IGDCC4: variants seen among roughly 807,000 people sequenced by gnomAD.
IGDCC4 encodes immunoglobulin superfamily DCC subclass member 4.
Under a neutral mutation model 116.6 loss-of-function variants are expected in IGDCC4, and 72 were observed. That is an observed-to-expected ratio of 0.62 (90% CI 0.51 to 0.75). The LOEUF is 0.75. Among genes scored for constraint, IGDCC4 ranks in the 30% least tolerant of loss-of-function variants. The pLI is 0.00. For missense variants in IGDCC4, 1,501 were observed against 1,662.4 expected, an observed-to-expected ratio of 0.90 and a Z score of 1.69; for synonymous variants, 709 against 719.9, an observed-to-expected ratio of 0.98 and a Z score of 0.24.
At chr15:65,386,183 C>G in intron 17 of IGDCC4, 124 bp from the exon 18 acceptor site, 1 of 657,962 alleles carries the variant, frequency 1.5e-6, no homozygotes, top group South Asian at 2.0e-5. Context: ...CTTTCCTGGT[C>G]TGTGCAATGA....
Position 65,384,509 on chromosome 15 carries a change from C to T in IGDCC4, c.3343-90G>A. The T allele has an allele frequency of 7.8e-7, 1 of 1,287,298 alleles. No homozygotes were observed. The highest frequency in any genetic ancestry group is 1.0e-6 in the Non-Finnish European group (1 of 954,828). The allele number at this position is 1,287,298 out of a possible 1,614,324, so 79.7% of individuals were successfully genotyped here. On this transcript the variant is annotated intron_variant, in intron 19 of 19. Transcript: ENST00000352385. This position sits in a 1 kb window ranked among gnomAD's most constrained non-coding sequence, Gnocchi z 4.9. ...GCGTACGTGGGGCAGAAAGTCTGAC[C>T]CTCCATCAGAGTAAGTATCACATGG...
intron 3 of IGDCC4, among the ~76,000 whole-genome samples, chr15:65,403,654 C>T (rs1175634420): frequency 6.6e-6 from 1 of 152,096 alleles, no homozygotes; most frequent in Admixed American, 6.5e-5. Context: ...TGCCAAATGT[C>T]ATATTTGTCC....
intron 2 of IGDCC4, 115 bp from the exon 3 acceptor site, chr15:65,410,434 A>G: frequency 7.7e-7 from 1 of 1,291,202 alleles, no homozygotes; most frequent in South Asian, 1.3e-5. Flanking sequence ...AGTCACAGAA[A>G]CACACAGCAG....
rs754941677 is a variant in IGDCC4, at chr15:65,382,406, TAAA to T, written c.*1600_*1602del. Reference sequence around the variant, plus strand: ...CTGTGCTGAGAGACATTCCACCATTTAAAAAAAAAAAAAAAAAAAAGGAAAAAT... The same window carrying T: ...CTGTGCTGAGAGACATTCCACCATTTAAAAAAAAAAAAAAAAAGGAAAAAT... On this transcript the variant is annotated 3_prime_UTR_variant, in exon 20 of 20. Transcript: ENST00000352385. 26 of 124,876 alleles carry T rather than the reference TAAA, an allele frequency of 2.1e-4. No homozygotes were observed. The highest frequency in any genetic ancestry group is 1.5e-4 in the Non-Finnish European group (9 of 59,372). 7.7% of individuals were successfully genotyped at this position (124,876 alleles called of 1,614,324 possible).
chr15:65,387,193 A>G (rs1198225751), intron 16 of IGDCC4, among the ~76,000 whole-genome samples: 1 of 151,454 alleles, frequency 6.6e-6, no homozygotes, highest in Admixed American at 6.6e-5. Context: ...CACCCAGATA[A>G]TTTTTAAATT....
intron 5 of IGDCC4, among the ~76,000 whole-genome samples, chr15:65,399,275 T>C (rs2062960238): frequency 6.6e-6 from 1 of 151,916 alleles, no homozygotes; most frequent in Non-Finnish European, 1.5e-5. Context: ...GTTTGAGACC[T>C]GCCTGCGCAA....
At chr15:65,412,875 T>C (rs1448155974) in intron 1 of IGDCC4, among the ~76,000 whole-genome samples, 1 of 151,980 alleles carries the variant, frequency 6.6e-6, no homozygotes, top group Non-Finnish European at 1.5e-5. Flanking sequence ...CTAGCCTGGG[T>C]AACAGAGTGA....
Position 65,383,788 on chromosome 15 carries a change from G to A in IGDCC4, c.*221C>T. On this transcript the variant is annotated 3_prime_UTR_variant, in exon 20 of 20. Coordinates refer to ENST00000352385, the MANE Select transcript of IGDCC4 (RefSeq NM_020962.3). ...TTCACACATGTGCACATCACATGTA[G>A]CTATGTCTCGTATGTCTTTCACATG... 4.1e-6 allele frequency: 2 copies of A among 486,638 alleles called. No homozygotes were observed. The allele number at this position is 486,638 out of a possible 1,614,324, so 30.1% of individuals were successfully genotyped here. A position where few individuals can be genotyped will look rare whatever the true frequency, so the allele number is the denominator to read the frequency against.
intron 1 of IGDCC4, among the ~76,000 whole-genome samples, chr15:65,421,792 C>T (rs1361208764): frequency 6.6e-6 from 1 of 152,066 alleles, no homozygotes; most frequent in East Asian, 1.9e-4. Context: ...CCTCCCAGCC[C>T]TGCCACCTAC....
chr15:65,400,998 C>A (rs777801272), intron 4 of IGDCC4, 52 bp from the exon 5 acceptor site: 19 of 1,610,480 alleles, frequency 1.2e-5, no homozygotes, highest in Non-Finnish European at 1.4e-5. Flanking sequence ...ATTTGCCATG[C>A]GATACCTCAC....
At chr15:65,396,415 C>T in intron 6 of IGDCC4, 1 of 661,576 alleles carries the variant, frequency 1.5e-6, no homozygotes, top group African/African-American at 1.8e-5. Context: ...TCCTCAGCCT[C>T]CCCTAAATAT....
At chr15:65,415,923 G>T (rs2063138282) in intron 1 of IGDCC4, among the ~76,000 whole-genome samples, 1 of 152,060 alleles carries the variant, frequency 6.6e-6, no homozygotes, top group South Asian at 2.1e-4. Flanking sequence ...AGACAAGGGG[G>T]TGTGGTGGGA....
In IGDCC4 at chr15:65,396,768, C is replaced by T. The variant is rs562891453; in HGVS notation, c.997+66G>A. ...TGCCCCCAGCACACCCACCCGTCCACCTCCCCCTGCTCTATTCACCCCAGC... is the reference window on the plus strand; with the variant it reads ...TGCCCCCAGCACACCCACCCGTCCATCTCCCCCTGCTCTATTCACCCCAGC... On this transcript the variant is annotated intron_variant, in intron 6 of 19. Transcript: ENST00000352385. The T allele has an allele frequency of 1.8e-5, 28 of 1,525,686 alleles. No homozygotes were observed. In the East Asian group the frequency reaches 6.9e-4, roughly 38 times the overall value. The allele number at this position is 1,525,686 out of a possible 1,614,324, so 94.5% of individuals were successfully genotyped here.
intron 18 of IGDCC4, 97 bp from the exon 19 acceptor site, chr15:65,385,212 C>A (rs2091443287): frequency 7.8e-7 from 1 of 1,288,144 alleles, no homozygotes; most frequent in Non-Finnish European, 1.1e-6. Context: ...CGCGGGGGAG[C>A]AGGGTCCAGA....
chr15:65,399,447 CAAAAAAAAAA>C (rs112040935), intron 5 of IGDCC4, among the ~76,000 whole-genome samples: 45 of 71,184 alleles, frequency 6.3e-4, no homozygotes, highest in African/African-American at 1.7e-3. Context: ...GGGTGACAGG[CAAAAAAAAAA>C]AAAAAAAAAA....
intron 10 of IGDCC4, among the ~76,000 whole-genome samples, chr15:65,392,957 G>T (rs117633068): frequency 6.6e-6 from 1 of 152,116 alleles, no homozygotes; most frequent in South Asian, 2.1e-4. Context: ...ACCTAGTGTC[G>T]CATAGAGAGC....
rs2091402480 is a variant in IGDCC4, at chr15:65,381,655, C to T, written c.*2354G>A. 1 of 152,136 alleles carries T rather than the reference C, an allele frequency of 6.6e-6. No individual in the cohort carries two copies. Among genetic ancestry groups the T allele is most frequent in the South Asian group, 2.1e-4 (1 of 4,826 alleles). The allele number at this position is 152,136 out of a possible 1,614,324, so 9.4% of individuals were successfully genotyped here. ...CAAATAAATGAGCAAGTACTGATTA[C>T]ACTTGTCATGCATCAAGAAAAGGAA... On this transcript the variant is annotated 3_prime_UTR_variant, in exon 20 of 20. Coordinates refer to ENST00000352385, the MANE Select transcript of IGDCC4 (RefSeq NM_020962.3).
At chr15:65,396,198 C>G (rs1324556156) in intron 6 of IGDCC4, 35 bp from the exon 7 acceptor site, 36 of 1,496,922 alleles carry the variant, frequency 2.4e-5, no homozygotes, top group Non-Finnish European at 3.1e-5. Context: ...AGCGCGGGAT[C>G]CCGCAACTAA....
chr15:65,419,566 T>G (rs915419228), intron 1 of IGDCC4, among the ~76,000 whole-genome samples: 1 of 152,186 alleles, frequency 6.6e-6, no homozygotes, highest in Admixed American at 6.5e-5. Context: ...AAACTCCAAC[T>G]GTTTGACCTG....
Sources: gnomAD v4.1 joint callset for allele counts (sites outside exome capture counted in the v4.1 genomes callset) on GRCh38, gnomAD v4.1.1 for gene constraint, Gnocchi (gnomAD v3.1) non-coding constraint, MANE v1.5 for transcripts, NCBI Gene and HGNC (gene_info 2026-07-23, HGNC 2026-07-21) for gene names.